ARHGAP28: variants seen among roughly 807,000 people sequenced by gnomAD.
ARHGAP28 encodes the protein Rho GTPase activating protein 28.
In ARHGAP28, 56 loss-of-function variants were observed where a neutral mutation model predicts 90.7. The ratio of observed to expected loss-of-function variants is 0.62; its 90% CI spans 0.50 to 0.77. The LOEUF (loss-of-function observed/expected upper bound fraction) is 0.77. ARHGAP28 is among the 30% of genes least tolerant of loss of function. ARHGAP28 has a pLI of 0.00. For missense variants in ARHGAP28, 869 were observed against 900.9 expected (o/e 0.96, Z 0.45); for synonymous variants, 308 against 323.3 (o/e 0.95, Z 0.51).
chr18:6,894,051 T>G (rs1235473091), intron 14 of ARHGAP28, among the ~76,000 whole-genome samples: 1 of 152,022 alleles, frequency 6.6e-6, no homozygotes, highest in African/African-American at 2.4e-5. Flanking sequence ...GTATTTTTAG[T>G]AAAGACGGGG....
intron 10 of ARHGAP28, among the ~76,000 whole-genome samples, chr18:6,877,443 C>T (rs1322082869): frequency 1.3e-5 from 2 of 152,314 alleles, no homozygotes; most frequent in Admixed American, 6.5e-5. Flanking sequence ...TGCCTCACCC[C>T]GTCGTGGGCT....
At chr18:6,777,225 G>C (rs1346933039) in intron 1 of ARHGAP28, among the ~76,000 whole-genome samples, 1 of 152,176 alleles carries the variant, frequency 6.6e-6, no homozygotes, top group Non-Finnish European at 1.5e-5. Flanking sequence ...GTTTAAGGGA[G>C]ACTCACCTGG....
chr18:6,785,338 A>G (rs8093032), intron 1 of ARHGAP28, among the ~76,000 whole-genome samples: 3,352 of 152,328 alleles, frequency 0.022, 137 homozygotes, highest in African/African-American at 0.077. Context: ...CATTCATTCA[A>G]GAGGACCAGG....
chr18:6,839,439 G>T (rs552678090), intron 3 of ARHGAP28, among the ~76,000 whole-genome samples: 1 of 152,030 alleles, frequency 6.6e-6, no homozygotes, highest in African/African-American at 2.4e-5. Flanking sequence ...GACTATAGGC[G>T]CCAGCCACCA....
chr18:6,741,094 G>T (rs917928503), intron 1 of ARHGAP28, among the ~76,000 whole-genome samples: 1 of 152,134 alleles, frequency 6.6e-6, no homozygotes, highest in African/African-American at 2.4e-5. Context: ...AACCACCCTT[G>T]CACATTATCT....
chr18:6,847,053 A>C (rs112175919), intron 3 of ARHGAP28, among the ~76,000 whole-genome samples: 2,092 of 152,174 alleles, frequency 0.014, 50 homozygotes, highest in African/African-American at 0.048. Context: ...CCACAGGAGG[A>C]GGTGATTGGC....
chr18:6,890,305 A>G, intron 13 of ARHGAP28, 125 bp from the exon 14 acceptor site: 1 of 758,766 alleles, frequency 1.3e-6, no homozygotes, highest in South Asian at 1.9e-5. Context: ...TTATAAGGAC[A>G]ATGCCACCAT....
intron 1 of ARHGAP28, among the ~76,000 whole-genome samples, chr18:6,740,279 G>T (rs28463953): frequency 0.27 from 41,303 of 152,158 alleles, 6,446 homozygotes; most frequent in South Asian, 0.33. Context: ...GCAACCAGGG[G>T]ACCAAGTCAG....
At chr18:6,799,047 G>T (rs959670851) in intron 1 of ARHGAP28, among the ~76,000 whole-genome samples, 1 of 152,168 alleles carries the variant, frequency 6.6e-6, no homozygotes, top group Non-Finnish European at 1.5e-5. Flanking sequence ...AGTGGTATGT[G>T]TTGGCAGAAC....
At chr18:6,770,159 T>C (rs2056230794) in intron 1 of ARHGAP28, among the ~76,000 whole-genome samples, 1 of 152,238 alleles carries the variant, frequency 6.6e-6, no homozygotes, top group Admixed American at 6.5e-5. Flanking sequence ...TGTTCTATGA[T>C]ATTTGTTCCT....
intron 16 of ARHGAP28, among the ~76,000 whole-genome samples, chr18:6,908,428 C>T (rs537089907): frequency 2.1e-3 from 321 of 152,244 alleles, no homozygotes; most frequent in African/African-American, 7.2e-3. Flanking sequence ...CATGAGCCAC[C>T]GTGTCCGGCC....
chr18:6,759,616 G>T (rs1383682080), intron 1 of ARHGAP28, among the ~76,000 whole-genome samples: 1 of 152,136 alleles, frequency 6.6e-6, no homozygotes, highest in African/African-American at 2.4e-5. Context: ...AATGAGTGAA[G>T]AAATTGAAAT....
chr18:6,739,260 G>GC (rs1376510610), intron 1 of ARHGAP28, among the ~76,000 whole-genome samples: 1 of 152,084 alleles, frequency 6.6e-6, no homozygotes, highest in Non-Finnish European at 1.5e-5. Context: ...TATAGTATTA[G>GC]CAACCAGCAA....
chr18:6,803,250 TA>T (rs1020236667), intron 1 of ARHGAP28, among the ~76,000 whole-genome samples: 1 of 152,196 alleles, frequency 6.6e-6, no homozygotes, highest in African/African-American at 2.4e-5. Flanking sequence ...GTTGAGGTAG[TA>T]CCCTTCTATT....
At chr18:6,827,338 C>T (rs1229643637) in intron 2 of ARHGAP28, among the ~76,000 whole-genome samples, 10 of 147,736 alleles carry the variant, frequency 6.8e-5, no homozygotes, top group East Asian at 2.1e-4. Flanking sequence ...ACCTCCCTCC[C>T]GGACGGGGCG....
chr18:6,854,265 C>G (rs2056934590), intron 4 of ARHGAP28, among the ~76,000 whole-genome samples: 1 of 151,768 alleles, frequency 6.6e-6, no homozygotes, highest in Non-Finnish European at 1.5e-5. Context: ...ATTTTAGTTG[C>G]CTGGACCTCA....
intron 6 of ARHGAP28, among the ~76,000 whole-genome samples, chr18:6,870,313 G>A (rs1359272475): frequency 2.6e-5 from 4 of 152,100 alleles, no homozygotes; most frequent in African/African-American, 9.7e-5. Context: ...ATAATCCTCA[G>A]CAACTTTCAT....
At chr18:6,828,022 C>T (rs1267865695) in intron 2 of ARHGAP28, among the ~76,000 whole-genome samples, 9 of 152,010 alleles carry the variant, frequency 5.9e-5, no homozygotes, top group South Asian at 2.1e-4. Context: ...GAGGTTGTAG[C>T]GAGCCGAGAT....
chr18:6,906,942 C>A (rs964237605), intron 16 of ARHGAP28, among the ~76,000 whole-genome samples: 13 of 152,010 alleles, frequency 8.6e-5, no homozygotes, highest in Non-Finnish European at 1.3e-4. Context: ...GTTAAAAAAA[C>A]CAAACAATCC....
Sources: allele counts gnomAD v4.1 joint callset (sites outside exome capture counted in the v4.1 genomes callset), GRCh38; gene constraint gnomAD v4.1.1; transcripts MANE v1.5; gene names NCBI Gene and HGNC (gene_info 2026-07-23, HGNC 2026-07-21).